The following LRP1B variants were observed in gnomAD, a reference collection of about 807,000 sequenced individuals.
The protein encoded by LRP1B is LDL receptor related protein 1B.
In LRP1B, 217 loss-of-function variants were observed where a neutral mutation model predicts 556.6. The observed-to-expected ratio is 0.39, with a 90% CI of 0.35 to 0.44. LRP1B has a LOEUF of 0.44. Ranked by LOEUF, LRP1B falls within the 20% of genes least tolerant of loss-of-function variation. The probability of loss-of-function intolerance (pLI) is 1.00; values close to 1 mark genes in which losing one functional copy is unlikely to be tolerated. For synonymous variants in LRP1B, 2,047 were observed against 1,865.8 expected (o/e 1.10, Z -2.50); for missense variants, 5,053 against 5,620.8 (o/e 0.90, Z 3.23).
At chr2:142,007,893 C>T (rs1273204152) in intron 1 of LRP1B, among the ~76,000 whole-genome samples, 1 of 152,150 alleles carries the variant, frequency 6.6e-6, no homozygotes, top group African/African-American at 2.4e-5. Context: ...CTACCAATTC[C>T]AGATAATGAT....
chr2:141,373,788 C>T (rs1689327250), intron 3 of LRP1B, among the ~76,000 whole-genome samples: 1 of 151,832 alleles, frequency 6.6e-6, no homozygotes. Flanking sequence ...ATATATGAGC[C>T]TTTGTTACTG....
intron 1 of LRP1B, among the ~76,000 whole-genome samples, chr2:141,949,031 T>C (rs1195115568): frequency 6.6e-6 from 1 of 152,138 alleles, no homozygotes; most frequent in Admixed American, 6.5e-5. Context: ...CCAGGAAAAT[T>C]ATAGATATTC....
chr2:140,242,897 A>T (rs1681011893), intron 87 of LRP1B, among the ~76,000 whole-genome samples: 2 of 151,308 alleles, frequency 1.3e-5, no homozygotes, highest in South Asian at 4.1e-4. Flanking sequence ...TGTTGAAGAA[A>T]ATTTAGGAAG....
At chr2:141,774,915 A>G (rs146693735) in intron 2 of LRP1B, among the ~76,000 whole-genome samples, 2 of 152,304 alleles carry the variant, frequency 1.3e-5, no homozygotes, top group African/African-American at 4.8e-5. Flanking sequence ...ATTCTCTTTC[A>G]TTCATACTAC....
At chr2:142,068,763 A>G (rs1705200356) in intron 1 of LRP1B, among the ~76,000 whole-genome samples, 2 of 151,558 alleles carry the variant, frequency 1.3e-5, no homozygotes, top group South Asian at 4.1e-4. Flanking sequence ...GTAATAAAAT[A>G]CATTGAATGA....
rs564494540 is a variant in LRP1B, at chr2:140,873,846, C to G, written c.4170-5583G>C. ...TTTTAAACAGGTGAAAAATTTTTCTCTAATTCAAAGCTTATTTAAAGGTTA... is the reference window on the plus strand; with the variant it reads ...TTTTAAACAGGTGAAAAATTTTTCTGTAATTCAAAGCTTATTTAAAGGTTA... On this transcript the variant is annotated intron_variant, in intron 25 of 90. Coordinates refer to ENST00000389484, the MANE Select transcript of LRP1B (RefSeq NM_018557.3). Among the ~76,000 whole-genome samples the G allele has an allele frequency of 1.0e-3, 151 of 151,308 alleles. 2 individuals are homozygous for G. The highest frequency in any genetic ancestry group is 1.9e-3 in the Non-Finnish European group (129 of 67,786).
At chr2:140,649,948 AATTT>A (rs1172362271) in intron 41 of LRP1B, among the ~76,000 whole-genome samples, 1 of 152,210 alleles carries the variant, frequency 6.6e-6, no homozygotes, top group East Asian at 1.9e-4. Context: ...CATGTCATTC[AATTT>A]ACTCTATCAA....
chr2:141,673,537 A>G (rs1275249955), intron 2 of LRP1B, among the ~76,000 whole-genome samples: 1 of 152,178 alleles, frequency 6.6e-6, no homozygotes, highest in Non-Finnish European at 1.5e-5. Flanking sequence ...AGTTTCTCTT[A>G]AAATGTGCTG....
rs2105396399 is a variant in LRP1B at position 141,019,906 on chromosome 2, G to A, written c.1970+16C>T. The A allele has an allele frequency of 6.6e-7, 1 of 1,519,214 alleles. No homozygotes were observed. 94.1% of individuals were successfully genotyped at this position (1,519,214 alleles called of 1,614,324 possible). ...TTATCATTTTTCTTATATAAAGCTAGTCAAATATTGCATACCCATTAACTG... is the reference window on the plus strand; with the variant it reads ...TTATCATTTTTCTTATATAAAGCTAATCAAATATTGCATACCCATTAACTG... On this transcript the variant is annotated intron_variant, in intron 12 of 90. Coordinates refer to ENST00000389484, the MANE Select transcript of LRP1B (RefSeq NM_018557.3).
intron 3 of LRP1B, among the ~76,000 whole-genome samples, chr2:141,472,694 G>A (rs1167799106): frequency 6.6e-6 from 1 of 152,144 alleles, no homozygotes; most frequent in Non-Finnish European, 1.5e-5. Context: ...AACCACTATT[G>A]TCTAAGAAGA....
intron 43 of LRP1B, among the ~76,000 whole-genome samples, chr2:140,595,168 G>A (rs1238804499): frequency 7.3e-6 from 1 of 136,618 alleles, no homozygotes; most frequent in African/African-American, 2.7e-5. Flanking sequence ...AATAAAATAA[G>A]GAGTAGAAAA....
chr2:141,106,542 G>C, intron 7 of LRP1B, among the ~76,000 whole-genome samples: 2 of 151,886 alleles, frequency 1.3e-5, no homozygotes, highest in Non-Finnish European at 1.5e-5. Flanking sequence ...GAAGTAAATA[G>C]ACATGTCTGG....
rs541868090 is a variant in LRP1B, at chr2:141,666,551, C to T, written c.205+143728G>A. ...CCTCTTCTTTTAATCTACCAATATA[C>T]CTCCATTACCTTCTACTAAAGTCTT... On this transcript the variant is annotated intron_variant, in intron 2 of 90. Coordinates refer to ENST00000389484, the MANE Select transcript of LRP1B (RefSeq NM_018557.3). Among the ~76,000 whole-genome samples the T allele has an allele frequency of 1.1e-4, 17 of 152,288 alleles. No individual in the cohort carries two copies. The South Asian group carries it at 3.5e-3, about 32-fold the overall frequency.
intron 7 of LRP1B, among the ~76,000 whole-genome samples, chr2:141,101,124 CA>C (rs2104938873): frequency 6.6e-6 from 1 of 152,114 alleles, no homozygotes; most frequent in East Asian, 1.9e-4. Flanking sequence ...CAGGAAGACT[CA>C]AAAATCACCA....
At chr2:141,554,237 TCTATAGGAATAG>T (rs1685875576) in intron 2 of LRP1B, among the ~76,000 whole-genome samples, 1 of 145,596 alleles carries the variant, frequency 6.9e-6, no homozygotes, top group African/African-American at 2.5e-5. Context: ...ATTATATATA[TCTATAGGAATAG>T]ACCTAGATAT....
intron 84 of LRP1B, among the ~76,000 whole-genome samples, chr2:140,281,715 T>C (rs538787448): frequency 6.6e-6 from 1 of 151,958 alleles, no homozygotes; most frequent in African/African-American, 2.4e-5. Context: ...AAAAGTAGGA[T>C]GGAATTACCA....
chr2:140,475,049 G>C (rs1222197086), intron 60 of LRP1B, 89 bp downstream of exon 60: 1 of 500,648 alleles, frequency 2.0e-6, no homozygotes, highest in African/African-American at 2.0e-5. Context: ...TATGTTTTAT[G>C]AGAGAAAGCA....
chr2:140,726,816 T>C (rs1035220146), intron 35 of LRP1B, among the ~76,000 whole-genome samples: 12 of 152,188 alleles, frequency 7.9e-5, no homozygotes, highest in African/African-American at 2.9e-4. Flanking sequence ...TTTTATCTTT[T>C]TTCCTTCTTT....
intron 5 of LRP1B, among the ~76,000 whole-genome samples, chr2:141,236,211 CATG>C (rs1558951494): frequency 6.6e-6 from 1 of 152,028 alleles, no homozygotes; most frequent in African/African-American, 2.4e-5. Flanking sequence ...TAGTGCACAA[CATG>C]ATGTTTTGAA....
Sources: gnomAD v4.1 joint callset for allele counts (sites outside exome capture counted in the v4.1 genomes callset) on GRCh38, gnomAD v4.1.1 for gene constraint, MANE v1.5 for transcripts, NCBI Gene and HGNC (gene_info 2026-07-23, HGNC 2026-07-21) for gene names.